Variants in SPATA16 observed in about 807,000 individuals in gnomAD.
The protein encoded by SPATA16 is spermatogenesis-associated protein 16.
SPATA16 carries 36 observed loss-of-function variants against 63.3 expected under a neutral mutation model. That is an observed-to-expected ratio of 0.57 (90% CI 0.44 to 0.75). SPATA16 has a LOEUF of 0.75. SPATA16 is among the 30% of genes least tolerant of loss of function. The pLI, the probability that SPATA16 is intolerant of heterozygous loss-of-function variation, is 0.00. For synonymous variants in SPATA16, 203 were observed against 216.7 expected, an observed-to-expected ratio of 0.94 and a Z score of 0.56; for missense variants, 646 against 679.3, an observed-to-expected ratio of 0.95 and a Z score of 0.54.
chr3:172,932,072 G>A (rs555889102), intron 6 of SPATA16, among the ~76,000 whole-genome samples: 20 of 152,238 alleles, frequency 1.3e-4, no homozygotes, highest in South Asian at 6.2e-4. Context: ...ATATGTGAGG[G>A]ATAGCTGTAT....
intron 3 of SPATA16, among the ~76,000 whole-genome samples, chr3:173,035,442 T>C (rs1472438597): frequency 6.6e-6 from 1 of 151,926 alleles, no homozygotes; most frequent in Non-Finnish European, 1.5e-5. Flanking sequence ...AATGACTTGG[T>C]GATAGAGGAT....
At chr3:172,975,310 C>G (rs1734128893) in intron 5 of SPATA16, among the ~76,000 whole-genome samples, 1 of 152,112 alleles carries the variant, frequency 6.6e-6, no homozygotes, top group Non-Finnish European at 1.5e-5. Flanking sequence ...GACATTGGAT[C>G]TATTATTTTC....
intron 7 of SPATA16, 104 bp from the exon 8 acceptor site, chr3:172,924,421 C>T: frequency 2.3e-6 from 2 of 883,468 alleles, no homozygotes; most frequent in Non-Finnish European, 3.6e-6. Context: ...TTAATAGATA[C>T]AAAATCTTTA....
At chr3:172,945,672 C>T (rs1170601971) in intron 6 of SPATA16, among the ~76,000 whole-genome samples, 2 of 152,120 alleles carry the variant, frequency 1.3e-5, no homozygotes. Context: ...CCAGTCAGCA[C>T]CCATGGAGGG....
intron 3 of SPATA16, among the ~76,000 whole-genome samples, chr3:173,030,444 T>C (rs903704889): frequency 2.0e-5 from 3 of 152,060 alleles, no homozygotes; most frequent in East Asian, 1.9e-4. Flanking sequence ...TTTCCAAAGG[T>C]GATATACCAA....
intron 4 of SPATA16, among the ~76,000 whole-genome samples, chr3:173,007,633 A>G (rs1005737994): frequency 6.6e-6 from 1 of 152,216 alleles, no homozygotes; most frequent in African/African-American, 2.4e-5. Flanking sequence ...ACCTATTTTT[A>G]TTATTTAATC....
intron 5 of SPATA16, among the ~76,000 whole-genome samples, chr3:172,974,564 A>G (rs1357668184): frequency 3.9e-5 from 6 of 151,966 alleles, no homozygotes; most frequent in Non-Finnish European, 1.5e-5. Flanking sequence ...AATCAAGATC[A>G]AGGAGAAGCT....
chr3:173,011,074 C>T (rs1257780219), intron 4 of SPATA16, among the ~76,000 whole-genome samples: 2 of 152,134 alleles, frequency 1.3e-5, no homozygotes, highest in Non-Finnish European at 2.9e-5. Context: ...GGACTTCTCT[C>T]TAAGTTATTC....
intron 10 of SPATA16, among the ~76,000 whole-genome samples, chr3:172,911,522 A>G (rs977833703): frequency 2.6e-5 from 4 of 152,214 alleles, no homozygotes; most frequent in Non-Finnish European, 5.9e-5. Flanking sequence ...TTACCTAATT[A>G]ACAACTTCAT....
At chr3:172,972,237 C>G (rs1734062096) in intron 5 of SPATA16, among the ~76,000 whole-genome samples, 1 of 152,296 alleles carries the variant, frequency 6.6e-6, no homozygotes, top group Admixed American at 6.5e-5. Context: ...GGCACTGCCT[C>G]AGCCTCTGCT....
chr3:173,113,824 A>G (rs373488556), intron 2 of SPATA16, among the ~76,000 whole-genome samples: 8 of 152,258 alleles, frequency 5.3e-5, no homozygotes, highest in African/African-American at 1.9e-4. Context: ...TCTCACCTTT[A>G]ACCACAACCA....
chr3:172,916,004 T>A (rs1374481567), intron 9 of SPATA16, among the ~76,000 whole-genome samples: 1 of 152,216 alleles, frequency 6.6e-6, no homozygotes, highest in Non-Finnish European at 1.5e-5. Flanking sequence ...TTGGAGTTTA[T>A]TAAACAATCT....
intron 2 of SPATA16, among the ~76,000 whole-genome samples, chr3:173,115,308 T>C (rs1455562249): frequency 6.6e-6 from 1 of 152,212 alleles, no homozygotes; most frequent in South Asian, 2.1e-4. Context: ...CTTTCTTTTT[T>C]CTTGCCAAAA....
chr3:173,080,390 G>A (rs1736896673), intron 2 of SPATA16, among the ~76,000 whole-genome samples: 1 of 152,168 alleles, frequency 6.6e-6, no homozygotes, highest in Non-Finnish European at 1.5e-5. Context: ...TCCCTTAGAG[G>A]TGGAGAAACC....
intron 3 of SPATA16, among the ~76,000 whole-genome samples, chr3:173,033,905 A>G (rs997689497): frequency 3.9e-5 from 6 of 151,966 alleles, no homozygotes; most frequent in Admixed American, 1.3e-4. Flanking sequence ...GGGTTTCACT[A>G]TGTTGGCCAG....
intron 1 of SPATA16, among the ~76,000 whole-genome samples, chr3:173,129,407 T>G (rs1738311195): frequency 6.6e-6 from 1 of 152,332 alleles, no homozygotes; most frequent in East Asian, 1.9e-4. Context: ...GAATACTAAC[T>G]AATTCCTCAT....
intron 8 of SPATA16, among the ~76,000 whole-genome samples, chr3:172,916,830 T>C (rs1400306720): frequency 6.6e-6 from 1 of 152,222 alleles, no homozygotes; most frequent in Non-Finnish European, 1.5e-5. Context: ...GGGGCGACTT[T>C]ATCTATATCA....
chr3:172,956,605 C>A, intron 6 of SPATA16, 72 bp downstream of exon 6: 1 of 1,523,186 alleles, frequency 6.6e-7, no homozygotes. Context: ...AACTAATAAA[C>A]CAGAAAGAAC....
chr3:173,000,368 T>C (rs1734789005), intron 4 of SPATA16, among the ~76,000 whole-genome samples: 1 of 152,228 alleles, frequency 6.6e-6, no homozygotes, highest in South Asian at 2.1e-4. Context: ...TGATTTTTTT[T>C]CTCTCAATAC....
Sources: gnomAD v4.1 joint callset for allele counts (sites outside exome capture counted in the v4.1 genomes callset) on GRCh38, gnomAD v4.1.1 for gene constraint, MANE v1.5 for transcripts, NCBI Gene and HGNC (gene_info 2026-07-23, HGNC 2026-07-21) for gene names.